PITPNM3: variants seen among roughly 807,000 people sequenced by gnomAD.
PITPNM3 encodes PITPNM family member 3.
A neutral mutation model predicts 102.0 loss-of-function variants in PITPNM3; 26 were observed. The observed-to-expected ratio is 0.25, with a 90% CI of 0.19 to 0.35. The LOEUF is 0.35. PITPNM3 is among the 10% of genes least tolerant of loss of function. PITPNM3 has a pLI of 1.00. For missense variants in PITPNM3, 1,083 were observed against 1,346.1 expected (o/e 0.80, Z 3.06); for synonymous variants, 578 against 558.6 (o/e 1.03, Z -0.49).
chr17:6,542,633 A>C (rs165100), intron 1 of PITPNM3, among the ~76,000 whole-genome samples: 112,231 of 152,170 alleles, frequency 0.74, 42,093 homozygotes, highest in African/African-American at 0.87. Flanking sequence ...GCATCATAAT[A>C]CTTACCCCAC....
At position 6,483,663 on chromosome 17, in the gene PITPNM3, C is replaced by T. The variant is rs539664590; in HGVS notation, c.441G>A (p.Pro147=). The T allele has an allele frequency of 1.1e-4, 171 of 1,612,264 alleles. 2 individuals carry two copies. In the South Asian group the frequency reaches 1.4e-3, roughly 13 times the overall value. Residue 147 remains proline, a synonymous_variant, in exon 6 of 20, where the codon CCG becomes CCA. Transcript: ENST00000262483. ...TGTGGATGTCGGCTGCCTTGCAGGACGGGTCCCCGGCACCCGTGTCCAGGA... is the reference window on the plus strand; with the variant it reads ...TGTGGATGTCGGCTGCCTTGCAGGATGGGTCCCCGGCACCCGTGTCCAGGA... ...GNILDTGAGD[P]SCKAADIHTF...
chr17:6,524,213 C>G (rs1309919705), intron 3 of PITPNM3, among the ~76,000 whole-genome samples: 3 of 152,210 alleles, frequency 2.0e-5, no homozygotes, highest in Non-Finnish European at 4.4e-5. Context: ...TCACTGAATG[C>G]CTCCTGAGAG....
intron 4 of PITPNM3, among the ~76,000 whole-genome samples, chr17:6,498,456 G>C (rs187888484): frequency 7.9e-5 from 12 of 152,374 alleles, no homozygotes; most frequent in African/African-American, 2.9e-4. Flanking sequence ...GAAAGCAGGG[G>C]CTGTGAGAAC....
intron 17 of PITPNM3, 93 bp from the exon 18 acceptor site, chr17:6,461,649 C>A: frequency 7.0e-7 from 1 of 1,437,172 alleles, no homozygotes; most frequent in Non-Finnish European, 9.8e-7. Context: ...CCTCCTGAGA[C>A]GTCAGAGGGA....
rs1348005522 is a variant in PITPNM3, at chr17:6,470,141, C to G, written c.1773+119G>C. The G allele has an allele frequency of 1.1e-5, 14 of 1,221,724 alleles. No individual in the cohort carries two copies. The highest frequency in any genetic ancestry group is 1.5e-5 in the Non-Finnish European group (13 of 862,850). 75.7% of individuals were successfully genotyped at this position (1,221,724 alleles called of 1,614,324 possible). A position where few individuals can be genotyped will look rare whatever the true frequency, so the allele number is the denominator to read the frequency against. Reference sequence around the variant, plus strand: ...GGTGCTCCAATGCCTTCCTCATGCTCTTAGGATCAAGGCCAAAAGCTGAAC... The same window carrying G: ...GGTGCTCCAATGCCTTCCTCATGCTGTTAGGATCAAGGCCAAAAGCTGAAC... On this transcript the variant is annotated intron_variant, in intron 13 of 19. Transcript: ENST00000262483. The surrounding 1 kb of genome is among the most constrained non-coding windows in gnomAD (Gnocchi z 4.8).
rs765375335 is a variant in PITPNM3 at position 6,503,508 on chromosome 17, A to G, written c.274+19T>C. The G allele has an allele frequency of 3.1e-6, 5 of 1,611,756 alleles. No homozygotes were observed. In the East Asian group the frequency reaches 1.1e-4, roughly 36 times the overall value. ...ATCCAAGGGGAAGAAATGACCCCACAGGGTCAGGCTTGACTCACGCTGCTT... is the reference window on the plus strand; with the variant it reads ...ATCCAAGGGGAAGAAATGACCCCACGGGGTCAGGCTTGACTCACGCTGCTT... On this transcript the variant is annotated intron_variant, in intron 4 of 19. Coordinates refer to ENST00000262483, the MANE Select transcript of PITPNM3 (RefSeq NM_031220.4).
intron 1 of PITPNM3, among the ~76,000 whole-genome samples, chr17:6,553,493 T>C (rs994898321): frequency 6.6e-6 from 1 of 152,206 alleles, no homozygotes; most frequent in Non-Finnish European, 1.5e-5. Context: ...GGCACAGCCA[T>C]GACCTGCTGC....
intron 4 of PITPNM3, among the ~76,000 whole-genome samples, chr17:6,502,911 CT>C (rs1366117557): frequency 1.3e-5 from 2 of 152,142 alleles, no homozygotes; most frequent in Non-Finnish European, 2.9e-5. Context: ...GCTCATCTCT[CT>C]GAGAAAACAC....
chr17:6,461,316 G>T, intron 18 of PITPNM3, 57 bp downstream of exon 18: 1 of 1,568,278 alleles, frequency 6.4e-7, no homozygotes, highest in Non-Finnish European at 8.8e-7. Flanking sequence ...GGGGAGCGGT[G>T]GAGAGGAGGG....
intron 1 of PITPNM3, among the ~76,000 whole-genome samples, chr17:6,541,886 G>A (rs934941099): frequency 2.0e-5 from 3 of 152,180 alleles, no homozygotes; most frequent in East Asian, 1.9e-4. Context: ...TGGTGAGTGC[G>A]GCATGCCAGG....
At chr17:6,554,278 C>G (rs1910479968) in intron 1 of PITPNM3, among the ~76,000 whole-genome samples, 1 of 144,110 alleles carries the variant, frequency 6.9e-6, no homozygotes, top group South Asian at 2.2e-4. Context: ...CGAGATCAAG[C>G]CATGCCCTCC....
chr17:6,456,077 G>A (rs550408354), intron 19 of PITPNM3, among the ~76,000 whole-genome samples: 1 of 151,938 alleles, frequency 6.6e-6, no homozygotes, highest in Non-Finnish European at 1.5e-5. Flanking sequence ...AGGCTGGAGT[G>A]CAGTAGCCCA....
At chr17:6,476,305 A>C (rs935784185) in intron 9 of PITPNM3, among the ~76,000 whole-genome samples, 1 of 152,198 alleles carries the variant, frequency 6.6e-6, no homozygotes, top group Non-Finnish European at 1.5e-5. Context: ...TTGGGTAAGG[A>C]GGAAGGAGAA....
chr17:6,546,887 T>G (rs1910047126), intron 1 of PITPNM3, among the ~76,000 whole-genome samples: 2 of 151,918 alleles, frequency 1.3e-5, no homozygotes, highest in South Asian at 4.2e-4. Flanking sequence ...ATGCCTGTAA[T>G]CCCAGCTACT....
chr17:6,471,778 T>C (rs999738581), intron 11 of PITPNM3, among the ~76,000 whole-genome samples: 1 of 152,054 alleles, frequency 6.6e-6, no homozygotes, highest in African/African-American at 2.4e-5. Flanking sequence ...TGGAAGGGAA[T>C]GGGGACTCCA....
chr17:6,466,951 C>G (rs189130911), intron 14 of PITPNM3, among the ~76,000 whole-genome samples: 11 of 151,672 alleles, frequency 7.3e-5, no homozygotes, highest in Admixed American at 3.3e-4. Context: ...GTAATCCCAG[C>G]TACTTGGGAG....
intron 4 of PITPNM3, among the ~76,000 whole-genome samples, chr17:6,495,095 T>C (rs1161883820): frequency 6.6e-6 from 1 of 152,162 alleles, no homozygotes; most frequent in African/African-American, 2.4e-5. Flanking sequence ...TATTTATGGA[T>C]AGACTCTTGT....
rs554635300 is a variant in PITPNM3, at chr17:6,551,977, C to T, written c.22+4408G>A. On this transcript the variant is annotated intron_variant, in intron 1 of 19. Coordinates refer to ENST00000262483, the MANE Select transcript of PITPNM3 (RefSeq NM_031220.4). The stretch of plus-strand genomic sequence containing the variant: ...GCTCTGCCGTCACCTTCTTCTGTGA[C>T]GTTGGCCAAATACCTACCTCTCACG... Among the ~76,000 whole-genome samples the T allele has an allele frequency of 3.1e-4, 47 of 152,286 alleles. 1 individual carries two copies. Among genetic ancestry groups the T allele is most frequent in the African/African-American group, 1.0e-3 (43 of 41,554 alleles).
intron 3 of PITPNM3, among the ~76,000 whole-genome samples, chr17:6,513,511 A>C (rs1455008790): frequency 6.6e-6 from 1 of 152,268 alleles, no homozygotes; most frequent in Non-Finnish European, 1.5e-5. Context: ...TGCAATAAAC[A>C]GTCTGAAAAT....
Sources: gnomAD v4.1 joint callset for allele counts (sites outside exome capture counted in the v4.1 genomes callset) on GRCh38, gnomAD v4.1.1 for gene constraint, Gnocchi (gnomAD v3.1) non-coding constraint, MANE v1.5 for transcripts, NCBI Gene and HGNC (gene_info 2026-07-23, HGNC 2026-07-21) for gene names.